The following CDH13 variants were observed in gnomAD, a reference collection of about 807,000 sequenced individuals.
The protein encoded by CDH13 is cadherin-13.
A neutral mutation model predicts 63.8 loss-of-function variants in CDH13; 24 were observed. The observed-to-expected ratio is 0.38, with a 90% CI of 0.27 to 0.53. The LOEUF (loss-of-function observed/expected upper bound fraction) is 0.53, where lower values mean the gene tolerates loss of function less well. Ranked by LOEUF, CDH13 falls within the 20% of genes least tolerant of loss-of-function variation. The pLI is 0.85. For synonymous variants in CDH13, 503 were observed against 355.3 expected (o/e 1.42, Z -4.67); for missense variants, 1,049 against 903.1 (o/e 1.16, Z -2.07).
intron 2 of CDH13, among the ~76,000 whole-genome samples, chr16:82,982,447 G>A (rs1383835533): frequency 6.6e-6 from 1 of 152,118 alleles, no homozygotes; most frequent in Admixed American, 6.5e-5. Flanking sequence ...AAAATCTAAA[G>A]TGTCGGCAGA....
At chr16:82,655,365 G>T (rs1186323128) in intron 1 of CDH13, among the ~76,000 whole-genome samples, 2 of 152,172 alleles carry the variant, frequency 1.3e-5, no homozygotes, top group Non-Finnish European at 2.9e-5. Flanking sequence ...TCCTGGAGAG[G>T]AGACATTTCA....
intron 2 of CDH13, among the ~76,000 whole-genome samples, chr16:82,943,311 G>C (rs777642695): frequency 2.1e-4 from 32 of 152,114 alleles, no homozygotes; most frequent in African/African-American, 7.2e-4. Flanking sequence ...ACATATGATA[G>C]TATTGCTAGA....
intron 2 of CDH13, among the ~76,000 whole-genome samples, chr16:82,892,937 G>A (rs1238516663): frequency 6.6e-6 from 1 of 152,048 alleles, no homozygotes; most frequent in Non-Finnish European, 1.5e-5. Context: ...TTGACATTTG[G>A]CTCTCCAAGA....
rs139825630 is a variant in CDH13, at chr16:83,242,754, C to T, written c.636+25257C>T. On this transcript the variant is annotated intron_variant, in intron 5 of 13. Coordinates refer to ENST00000567109, the MANE Select transcript of CDH13 (RefSeq NM_001257.5). ...TCTTGGAGACCGATGTTGGGGAAGA[C>T]TCTGAGGCTGCTTCCAGATGCAGCA... Among the ~76,000 whole-genome samples the T allele has an allele frequency of 3.5e-3, 538 of 152,288 alleles. 3 individuals carry two copies. Among genetic ancestry groups the T allele is most frequent in the South Asian group, 0.034 (162 of 4,830 alleles).
At chr16:82,702,034 G>A (rs1025483648) in intron 1 of CDH13, among the ~76,000 whole-genome samples, 12 of 152,160 alleles carry the variant, frequency 7.9e-5, no homozygotes, top group Non-Finnish European at 1.3e-4. Context: ...CACTCAAGGT[G>A]TTCTGTCACC....
At chr16:82,867,267 C>T (rs1446119776) in intron 2 of CDH13, among the ~76,000 whole-genome samples, 1 of 152,090 alleles carries the variant, frequency 6.6e-6, no homozygotes, top group Admixed American at 6.5e-5. Flanking sequence ...AGTTCTGTGG[C>T]CTAGTGTCTC....
intron 2 of CDH13, among the ~76,000 whole-genome samples, chr16:83,004,934 C>A (rs963558117): frequency 3.9e-5 from 6 of 152,202 alleles, no homozygotes; most frequent in African/African-American, 1.2e-4. Context: ...ATTCCTACCT[C>A]CTGCACCATA....
chr16:83,037,498 A>G (rs1916967268), intron 3 of CDH13, among the ~76,000 whole-genome samples: 2 of 152,328 alleles, frequency 1.3e-5, no homozygotes, highest in South Asian at 2.1e-4. Context: ...GATTTGCCAG[A>G]AAGGAAGAAA....
intron 1 of CDH13, chr16:82,639,300 G>T (rs1381442676): frequency 2.4e-6 from 3 of 1,252,342 alleles, no homozygotes; most frequent in African/African-American, 3.0e-5. Flanking sequence ...GCAACCTTCA[G>T]AACAGGGTCA....
At chr16:83,716,255 AC>A (rs1262632856) in intron 10 of CDH13, among the ~76,000 whole-genome samples, 2 of 152,092 alleles carry the variant, frequency 1.3e-5, no homozygotes, top group Non-Finnish European at 2.9e-5. Context: ...CAACTAATGA[AC>A]CTACCTTGAC....
At chr16:82,656,910 T>C (rs1481945725) in intron 1 of CDH13, among the ~76,000 whole-genome samples, 1 of 147,446 alleles carries the variant, frequency 6.8e-6, no homozygotes, top group Non-Finnish European at 1.5e-5. Context: ...TCTTATGGTT[T>C]GGTAGCTCTT....
chr16:83,112,356 T>C (rs9941009), intron 3 of CDH13, among the ~76,000 whole-genome samples: 66,131 of 151,666 alleles, frequency 0.44, 16,443 homozygotes, highest in Non-Finnish European at 0.59. Context: ...CAAACAGGCT[T>C]TGAGAGGGAG....
At chr16:83,381,733 A>G (rs1315579165) in intron 6 of CDH13, among the ~76,000 whole-genome samples, 1 of 151,960 alleles carries the variant, frequency 6.6e-6, no homozygotes, top group Non-Finnish European at 1.5e-5. Context: ...AAAAAAAAAA[A>G]GTACCAAGAG....
chr16:83,604,346 C>G (rs1908129095), intron 8 of CDH13, among the ~76,000 whole-genome samples: 1 of 152,130 alleles, frequency 6.6e-6, no homozygotes, highest in Admixed American at 6.5e-5. Context: ...ACTGGCATTT[C>G]AAGAACACCA....
intron 2 of CDH13, among the ~76,000 whole-genome samples, chr16:82,974,007 C>T (rs1296089023): frequency 1.3e-5 from 2 of 152,184 alleles, no homozygotes; most frequent in African/African-American, 2.4e-5. Context: ...GCAACCTCTG[C>T]CTCCCCGGTT....
rs187652314 is a variant in CDH13 at position 83,499,292 on chromosome 16, T to C, written c.960+12637T>C. On this transcript the variant is annotated intron_variant, in intron 7 of 13. Coordinates refer to ENST00000567109, the MANE Select transcript of CDH13 (RefSeq NM_001257.5). The stretch of plus-strand genomic sequence containing the variant: ...TCCTTAAGCTGTGATACTTCTTTGT[T>C]TATACACGTAGAGCATCTTGGTCCA... 6.4e-4 allele frequency among the ~76,000 whole-genome samples: 97 copies of C among 152,356 alleles called. 1 individual carries two copies. The highest frequency in any genetic ancestry group is 2.0e-3 in the African/African-American group (85 of 41,576).
At chr16:83,325,132 A>C (rs1015474488) in intron 5 of CDH13, among the ~76,000 whole-genome samples, 1 of 152,224 alleles carries the variant, frequency 6.6e-6, no homozygotes, top group Non-Finnish European at 1.5e-5. Context: ...TCCATGTTTC[A>C]TAAGTTCTTA....
intron 3 of CDH13, among the ~76,000 whole-genome samples, chr16:83,062,262 T>A (rs185967644): frequency 6.6e-6 from 1 of 152,358 alleles, no homozygotes; most frequent in Non-Finnish European, 1.5e-5. Context: ...CAGTTTTCTA[T>A]CACAGTACCT....
intron 4 of CDH13, among the ~76,000 whole-genome samples, chr16:83,205,407 C>G (rs74709456): frequency 0.015 from 2,240 of 152,252 alleles, 22 homozygotes; most frequent in Non-Finnish European, 0.022. Flanking sequence ...GACTCCTCCT[C>G]CTCCAATCTG....
Sources: gnomAD v4.1 joint callset for allele counts (sites outside exome capture counted in the v4.1 genomes callset) on GRCh38, gnomAD v4.1.1 for gene constraint, MANE v1.5 for transcripts, NCBI Gene and HGNC (gene_info 2026-07-23, HGNC 2026-07-21) for gene names.